Variants in UST observed in about 807,000 individuals in gnomAD.
UST encodes the protein uronyl 2-sulfotransferase, also known as chondroitin sulfate 2-O-sulfotransferase.
A neutral mutation model predicts 45.6 loss-of-function variants in UST; 21 were observed. The observed-to-expected ratio is 0.46, with a 90% confidence interval of 0.33 to 0.66. The LOEUF is 0.66. Among genes scored for constraint, UST ranks in the 30% least tolerant of loss-of-function variants. UST has a pLI of 0.02. For missense variants in UST, 463 were observed against 512.4 expected, an observed-to-expected ratio of 0.90 and a Z score of 0.93; for synonymous variants, 215 against 200.6, an observed-to-expected ratio of 1.07 and a Z score of -0.61.
intron 1 of UST, among the ~76,000 whole-genome samples, chr6:148,869,198 G>C (rs866657262): frequency 2.0e-4 from 30 of 152,210 alleles, no homozygotes; most frequent in Admixed American, 1.3e-3. Flanking sequence ...TGGCTTTGGT[G>C]TAGTTTTGTT....
chr6:148,787,797 T>A (rs1215418024), intron 1 of UST, among the ~76,000 whole-genome samples: 1 of 152,234 alleles, frequency 6.6e-6, no homozygotes, highest in African/African-American at 2.4e-5. Flanking sequence ...GTCATTTTCA[T>A]GATATTGATT....
chr6:149,061,900 A>C (rs185362304), intron 7 of UST, among the ~76,000 whole-genome samples: 255 of 152,392 alleles, frequency 1.7e-3, no homozygotes, highest in African/African-American at 5.9e-3. Flanking sequence ...TTGCTAATGG[A>C]GAAACATCAC....
At chr6:149,054,517 G>T (rs1324929003) in intron 7 of UST, among the ~76,000 whole-genome samples, 3 of 152,126 alleles carry the variant, frequency 2.0e-5, no homozygotes, top group East Asian at 1.9e-4. Flanking sequence ...GGAGTTGGGG[G>T]ACACCGATGC....
At chr6:148,992,419 A>C (rs371376837) in intron 5 of UST, among the ~76,000 whole-genome samples, 7 of 152,206 alleles carry the variant, frequency 4.6e-5, no homozygotes, top group African/African-American at 1.4e-4. Flanking sequence ...CAGTGAGCCG[A>C]GATCGCGCCA....
At chr6:149,042,227 G>T (rs542901436) in intron 7 of UST, among the ~76,000 whole-genome samples, 1 of 152,050 alleles carries the variant, frequency 6.6e-6, no homozygotes, top group Non-Finnish European at 1.5e-5. Context: ...ATCATTTTAG[G>T]CACTTTTTAC....
At chr6:148,815,844 G>T (rs1777344002) in intron 1 of UST, among the ~76,000 whole-genome samples, 1 of 152,192 alleles carries the variant, frequency 6.6e-6, no homozygotes. Context: ...TAGAATGGGA[G>T]AATTTTATTG....
intron 7 of UST, among the ~76,000 whole-genome samples, chr6:149,056,117 CTTTTTTTTT>C (rs34191810): frequency 2.0e-4 from 16 of 81,064 alleles, no homozygotes; most frequent in Middle Eastern, 0.01. Context: ...CTTTTCTTTT[CTTTTTTTTT>C]TTTTTTTTTT....
Position 148,747,546 on chromosome 6 carries a change from C to G in UST, c.116C>G (p.Pro39Arg). 3 of 1,563,294 alleles carry G rather than the reference C, an allele frequency of 1.9e-6. No individual in the cohort carries two copies. The Middle Eastern group carries it at 5.3e-4, about 276-fold the overall frequency. The stretch of plus-strand genomic sequence containing the variant: ...TGGAAGCGTCGGGTGCCCCTGCTGC[C>G]TTTCCTGCGCTTCTCCCTCCGGGAC... ...GSWKRRVPLL[P>R]FLRFSLRDYG... The change falls in exon 1 of 8, where the codon CCT (proline) becomes CGT (arginine). Residue 39 changes from proline (P) to arginine (R), a missense_variant. Physicochemically the swap from Pro to Arg is moderately radical, Grantham distance 103 (BLOSUM62 -2). Coordinates refer to ENST00000367463, the MANE Select transcript of UST (RefSeq NM_005715.3).
rs535193281 is a variant in UST at position 148,990,480 on chromosome 6, C to T, written c.681+25917C>T. On this transcript the variant is annotated intron_variant, in intron 5 of 7. Coordinates refer to ENST00000367463, the MANE Select transcript of UST (RefSeq NM_005715.3). ...GCTGCTTGACCTCTTTAACGTGACA[C>T]CAGTGTGTTTTCCTGGATAAAATTA... 37 of 779,240 alleles carry T rather than the reference C, an allele frequency of 4.7e-5. No individual in the cohort carries two copies. In the African/African-American group the frequency reaches 6.4e-4, roughly 13 times the overall value. 48.3% of individuals were successfully genotyped at this position (779,240 alleles called of 1,614,324 possible).
intron 7 of UST, among the ~76,000 whole-genome samples, chr6:149,058,360 TG>T (rs1776600197): frequency 2.1e-5 from 3 of 144,294 alleles, no homozygotes; most frequent in Non-Finnish European, 3.0e-5. Context: ...TGTGTGTGTG[TG>T]TGTGTGTGTG....
chr6:148,957,358 G>C (rs538916050), intron 4 of UST, among the ~76,000 whole-genome samples: 5 of 152,324 alleles, frequency 3.3e-5, no homozygotes, highest in African/African-American at 1.2e-4. Context: ...ATTGTTTAAG[G>C]GAGTAGCTTT....
Position 148,747,305 on chromosome 6 carries a change from C to A in UST, c.-126C>A. Reference sequence around the variant, plus strand: ...GCCCGGCAACTTCGGCCCCTCCCCGCCCCCACCCGGCTGCCCTCCGCGCGG... The same window carrying A: ...GCCCGGCAACTTCGGCCCCTCCCCGACCCCACCCGGCTGCCCTCCGCGCGG... On this transcript the variant is annotated 5_prime_UTR_variant, in exon 1 of 8. Coordinates refer to ENST00000367463, the MANE Select transcript of UST (RefSeq NM_005715.3). The A allele has an allele frequency of 8.3e-7, 1 of 1,199,262 alleles. No homozygotes were observed. Among genetic ancestry groups the A allele is most frequent in the Non-Finnish European group, 1.1e-6 (1 of 931,684 alleles). The allele number at this position is 1,199,262 out of a possible 1,614,324, so 74.3% of individuals were successfully genotyped here. A position where few individuals can be genotyped will look rare whatever the true frequency, so the allele number is the denominator to read the frequency against.
chr6:148,989,149 A>G (rs1185317490), intron 5 of UST, among the ~76,000 whole-genome samples: 1 of 152,054 alleles, frequency 6.6e-6, no homozygotes, highest in Non-Finnish European at 1.5e-5. Context: ...AGACTTCTGA[A>G]GAAGCTACTT....
intron 1 of UST, among the ~76,000 whole-genome samples, chr6:148,834,400 C>A (rs1004977699): frequency 5.3e-5 from 8 of 152,082 alleles, no homozygotes. Flanking sequence ...GCATTATTTC[C>A]AATAAGGAAG....
intron 5 of UST, among the ~76,000 whole-genome samples, chr6:148,981,866 C>T (rs1781142427): frequency 6.6e-6 from 1 of 152,136 alleles, no homozygotes; most frequent in African/African-American, 2.4e-5. Context: ...GTGTCTTTAT[C>T]TGTTTGTGCT....
intron 1 of UST, among the ~76,000 whole-genome samples, chr6:148,784,882 G>C (rs1057378199): frequency 1.3e-5 from 2 of 152,216 alleles, no homozygotes; most frequent in South Asian, 4.1e-4. Context: ...AGGAAGAGCA[G>C]AGCATGGCCA....
intron 5 of UST, among the ~76,000 whole-genome samples, chr6:149,017,901 G>A (rs1280485336): frequency 6.6e-6 from 1 of 151,624 alleles, no homozygotes; most frequent in Non-Finnish European, 1.5e-5. Flanking sequence ...ATTTTAATGG[G>A]TTTTCATACA....
intron 2 of UST, among the ~76,000 whole-genome samples, chr6:148,924,090 G>C (rs1352937175): frequency 6.6e-6 from 1 of 152,124 alleles, no homozygotes; most frequent in Non-Finnish European, 1.5e-5. Flanking sequence ...CTTATCCTAA[G>C]GGACTTGACA....
At chr6:149,035,496 T>C (rs970380684) in intron 7 of UST, among the ~76,000 whole-genome samples, 1 of 152,120 alleles carries the variant, frequency 6.6e-6, no homozygotes. Flanking sequence ...GGCTCACACC[T>C]GGAATCCCAG....
Sources: gnomAD v4.1 joint callset for allele counts (sites outside exome capture counted in the v4.1 genomes callset) on GRCh38, gnomAD v4.1.1 for gene constraint, MANE v1.5 for transcripts, NCBI Gene and HGNC (gene_info 2026-07-23, HGNC 2026-07-21) for gene names.